The following GLI2 variants were observed in gnomAD, a reference collection of about 807,000 sequenced individuals.
GLI2 encodes the protein transcription activator GLI2.
In GLI2, 22 loss-of-function variants were observed where a neutral mutation model predicts 78.9. That is an observed-to-expected ratio of 0.28 (90% CI 0.20 to 0.40). The LOEUF (loss-of-function observed/expected upper bound fraction) is 0.40. Ranked by LOEUF, GLI2 falls within the 10% of genes least tolerant of loss-of-function variation. The probability of loss-of-function intolerance (pLI) is 1.00; values close to 1 mark genes in which losing one functional copy is unlikely to be tolerated. For missense variants in GLI2, 2,097 were observed against 2,213.2 expected (o/e 0.95, Z 1.05); for synonymous variants, 974 against 963.7 (o/e 1.01, Z -0.20).
intron 2 of GLI2, among the ~76,000 whole-genome samples, chr2:120,814,512 T>A (rs1432320093): frequency 6.6e-6 from 1 of 152,124 alleles, no homozygotes; most frequent in Non-Finnish European, 1.5e-5. Context: ...TTGGGTGGGG[T>A]GGAGCAGGGG....
intron 3 of GLI2, among the ~76,000 whole-genome samples, chr2:120,943,458 C>G (rs1266617667): frequency 6.6e-6 from 1 of 152,210 alleles, no homozygotes; most frequent in African/African-American, 2.4e-5. Flanking sequence ...GGTCATAAGT[C>G]ACCCTGAGAA....
intron 2 of GLI2, among the ~76,000 whole-genome samples, chr2:120,798,500 C>T (rs908273642): frequency 8.5e-5 from 13 of 152,120 alleles, no homozygotes; most frequent in East Asian, 3.8e-4. Flanking sequence ...TGAGGGCCTG[C>T]GGGGGGTTGT....
intron 2 of GLI2, among the ~76,000 whole-genome samples, chr2:120,924,872 T>A (rs1409873926): frequency 6.6e-6 from 1 of 152,276 alleles, no homozygotes; most frequent in Non-Finnish European, 1.5e-5. Context: ...TTGTTGAGTG[T>A]GTCCTATCTG....
chr2:120,967,891 G>A, intron 5 of GLI2, among the ~76,000 whole-genome samples: 1 of 152,200 alleles, frequency 6.6e-6, no homozygotes, highest in Non-Finnish European at 1.5e-5. Context: ...GTTACAGCAG[G>A]CTGCCCAGTA....
At chr2:120,976,077 C>G (rs1682443895) in intron 9 of GLI2, among the ~76,000 whole-genome samples, 2 of 152,176 alleles carry the variant, frequency 1.3e-5, no homozygotes, top group Admixed American at 1.3e-4. Context: ...AAGAAAGCCA[C>G]CTCCCAACTC....
chr2:120,990,681 C>T lies in GLI2; in HGVS notation c.*6C>T, dbSNP rs761025643. On this transcript the variant is annotated 3_prime_UTR_variant, in exon 14 of 14. Transcript: ENST00000361492. ...TCCTGAACATGATGACCTAGAGGCCCGAGCGCCTGGTGCTGAGTGCACCCG... is the reference window on the plus strand; with the variant it reads ...TCCTGAACATGATGACCTAGAGGCCTGAGCGCCTGGTGCTGAGTGCACCCG... 18 of 1,609,666 alleles carry T rather than the reference C, an allele frequency of 1.1e-5. No individual in the cohort carries two copies. Among genetic ancestry groups the T allele is most frequent in the East Asian group, 8.9e-5 (4 of 44,820 alleles).
intron 3 of GLI2, among the ~76,000 whole-genome samples, chr2:120,934,974 T>A (rs1680124428): frequency 6.6e-6 from 1 of 152,238 alleles, no homozygotes; most frequent in Admixed American, 6.5e-5. Context: ...TTTATGACTC[T>A]GTCCTCAGTC....
intron 2 of GLI2, among the ~76,000 whole-genome samples, chr2:120,865,362 TAAG>T (rs1688080146): frequency 6.6e-6 from 1 of 152,166 alleles, no homozygotes; most frequent in Non-Finnish European, 1.5e-5. Flanking sequence ...ATTCTGAACT[TAAG>T]GAGTTCTGTC....
intron 1 of GLI2, among the ~76,000 whole-genome samples, chr2:120,768,052 G>A (rs1683415926): frequency 6.6e-6 from 1 of 152,164 alleles, no homozygotes; most frequent in South Asian, 2.1e-4. Context: ...TCCACCCCAG[G>A]CTCTTCTTCC....
chr2:120,867,176 CAG>C (rs1688179792), intron 2 of GLI2: 1 of 152,270 alleles, frequency 6.6e-6, no homozygotes. Context: ...CTTGGGGCCA[CAG>C]AGTCAGGAGT....
intron 2 of GLI2, among the ~76,000 whole-genome samples, chr2:120,911,256 T>C (rs1678802375): frequency 6.6e-6 from 1 of 152,254 alleles, no homozygotes; most frequent in Admixed American, 6.5e-5. Context: ...GGCAAGTTAC[T>C]GAACGCTCCT....
At position 120,992,256 on chromosome 2, in the gene GLI2, A is replaced by T. The variant is rs770742108; in HGVS notation, c.*1581A>T. The T allele has an allele frequency of 1.3e-5, 2 of 152,488 alleles. No individual in the cohort carries two copies. Among genetic ancestry groups the T allele is most frequent in the Non-Finnish European group, 2.9e-5 (2 of 68,066 alleles). The allele number at this position is 152,488 out of a possible 1,614,324, so 9.4% of individuals were successfully genotyped here. ...CAACTGCAAATGAAAGCCAGGGAAC[A>T]TTGCTAAGGGTCTGTGGCTCTGTGG... is the stretch of plus-strand genomic sequence containing the variant. On this transcript the variant is annotated 3_prime_UTR_variant, in exon 14 of 14. Coordinates refer to ENST00000361492, the MANE Select transcript of GLI2 (RefSeq NM_001374353.1).
intron 1 of GLI2, among the ~76,000 whole-genome samples, chr2:120,770,456 T>C (rs75847701): frequency 3.9e-5 from 6 of 152,324 alleles, no homozygotes; most frequent in Non-Finnish European, 7.3e-5. Flanking sequence ...TGTCTCATCT[T>C]GGTGCCTGAT....
In GLI2 at chr2:120,797,367, A is replaced by G; in HGVS notation, c.47A>G (p.Lys16Arg). Reference sequence around the variant, plus strand: ...ACTGCCTCCGAGAAGCAAGAAGCCAAAAGTGGGATCCTGGAGGCCGCTGGC... The same window carrying G: ...ACTGCCTCCGAGAAGCAAGAAGCCAGAAGTGGGATCCTGGAGGCCGCTGGC... ...SATASEKQEA[K>R]SGILEAAGFP... The change falls in exon 2 of 14, where the codon AAA (lysine) becomes AGA (arginine). Residue 16 changes from lysine to arginine, a missense_variant. This residue lies in a region of GLI2 where 578 missense variants were observed against 612.0 expected (regional missense o/e 0.94). Coordinates refer to ENST00000361492, the MANE Select transcript of GLI2 (RefSeq NM_001374353.1). 6.2e-7 allele frequency: 1 copy of G among 1,614,060 alleles called. No homozygotes were observed. Among genetic ancestry groups the G allele is most frequent in the Non-Finnish European group, 8.5e-7 (1 of 1,179,992 alleles).
chr2:120,872,669 G>A (rs778408879), intron 2 of GLI2, among the ~76,000 whole-genome samples: 14 of 152,342 alleles, frequency 9.2e-5, no homozygotes, highest in South Asian at 2.1e-4. Flanking sequence ...TCCAGGTGTC[G>A]TCACCTGCTG....
intron 1 of GLI2, among the ~76,000 whole-genome samples, chr2:120,777,569 G>C (rs553105082): frequency 1.3e-5 from 2 of 150,932 alleles, no homozygotes; most frequent in South Asian, 2.1e-4. Flanking sequence ...GCTTTGGGGG[G>C]TCTCTGCAGA....
intron 1 of GLI2, among the ~76,000 whole-genome samples, chr2:120,745,355 C>T (rs932838299): frequency 1.7e-4 from 26 of 152,158 alleles, no homozygotes; most frequent in Admixed American, 9.8e-4. Context: ...AAGTTTGACC[C>T]ACACTTAGGT....
chr2:120,809,089 C>T (rs138979045), intron 2 of GLI2, among the ~76,000 whole-genome samples: 163 of 152,184 alleles, frequency 1.1e-3, no homozygotes, highest in African/African-American at 3.0e-3. Flanking sequence ...ATGTTAGTTA[C>T]GATAGTCCCA....
At chr2:120,895,781 G>A (rs760200030) in intron 2 of GLI2, among the ~76,000 whole-genome samples, 14 of 152,170 alleles carry the variant, frequency 9.2e-5, no homozygotes, top group African/African-American at 2.2e-4. Context: ...GGATGGGCCC[G>A]GAACCCAGAG....
Sources: allele counts gnomAD v4.1 joint callset (sites outside exome capture counted in the v4.1 genomes callset), GRCh38; gene constraint gnomAD v4.1.1; regional missense constraint gnomAD v4.1.1; transcripts MANE v1.5; gene names NCBI Gene and HGNC (gene_info 2026-07-23, HGNC 2026-07-21).